The following PTPRC variants were observed in gnomAD, a reference collection of about 807,000 sequenced individuals.
PTPRC encodes the protein receptor-type tyrosine-protein phosphatase C.
Under a neutral mutation model 155.9 loss-of-function variants are expected in PTPRC, and 44 were observed. The observed-to-expected ratio is 0.28, with a 90% CI of 0.22 to 0.36. The LOEUF (loss-of-function observed/expected upper bound fraction) is 0.36, where lower values mean the gene tolerates loss of function less well. Among genes scored for constraint, PTPRC ranks in the 10% least tolerant of loss-of-function variants. The pLI is 1.00. For missense variants in PTPRC, 1,401 were observed against 1,564.6 expected, an observed-to-expected ratio of 0.90 and a Z score of 1.76; for synonymous variants, 525 against 533.1, an observed-to-expected ratio of 0.98 and a Z score of 0.21.
chr1:198,706,261 C>T (rs13375712), intron 8 of PTPRC, among the ~76,000 whole-genome samples: 7,184 of 152,144 alleles, frequency 0.047, 344 homozygotes, highest in African/African-American at 0.12. Flanking sequence ...GCTTCTGATC[C>T]CTGAGTAATT....
intron 14 of PTPRC, among the ~76,000 whole-genome samples, chr1:198,721,884 T>C (rs1417680906): frequency 6.6e-6 from 1 of 151,550 alleles, no homozygotes; most frequent in Non-Finnish European, 1.5e-5. Flanking sequence ...TTTTGCTCTT[T>C]TCATTTTCCC....
intron 2 of PTPRC, chr1:198,679,822 C>A: frequency 1.8e-6 from 1 of 551,440 alleles, no homozygotes; most frequent in African/African-American, 1.9e-5. Context: ...CTTCTTCCTG[C>A]CGGGAGCGTC....
At chr1:198,717,718 A>G (rs1653662043) in intron 13 of PTPRC, among the ~76,000 whole-genome samples, 1 of 152,152 alleles carries the variant, frequency 6.6e-6, no homozygotes, top group Admixed American at 6.6e-5. Flanking sequence ...TCCGGGAAAG[A>G]AGGGTCTAGA....
chr1:198,729,047 C>T (rs760715438), intron 16 of PTPRC, 90 bp from the exon 17 acceptor site: 5 of 1,425,276 alleles, frequency 3.5e-6, no homozygotes, highest in Non-Finnish European at 4.8e-6. Flanking sequence ...TTCCTTTGTT[C>T]CTTCAATATA....
chr1:198,735,036 T>G, intron 22 of PTPRC, 91 bp from the exon 23 acceptor site: 1 of 1,137,484 alleles, frequency 8.8e-7, no homozygotes, highest in Middle Eastern at 3.0e-4. Flanking sequence ...TTCAAATGAG[T>G]ATAGGTTTTG....
chr1:198,743,123 G>A (rs143155493), intron 25 of PTPRC, among the ~76,000 whole-genome samples: 133 of 142,720 alleles, frequency 9.3e-4, no homozygotes, highest in Non-Finnish European at 1.7e-3. Context: ...TGGAAACACC[G>A]TAAATATGTA....
chr1:198,662,467 TGTGTGTGTGTGA>T (rs1231314939), intron 2 of PTPRC, among the ~76,000 whole-genome samples: 15 of 129,244 alleles, frequency 1.2e-4, no homozygotes, highest in Admixed American at 1.6e-4. Flanking sequence ...TGTGTGTGTG[TGTGTGTGTGTGA>T]GAGTGTGTGT....
Position 198,709,736 on chromosome 1 carries a change from C to A in PTPRC, c.1083C>A (p.Pro361=). 1 of 1,605,368 alleles carries A rather than the reference C, an allele frequency of 6.2e-7. No homozygotes were observed. Among genetic ancestry groups the A allele is most frequent in the Non-Finnish European group, 8.5e-7 (1 of 1,176,208 alleles). Residue 361 remains proline (P), a synonymous_variant, in exon 11 of 33, where the codon CCC becomes CCA. Transcript: ENST00000442510. ...AAATTAAATTAGAAAACCTTGAACC[C>A]GAACATGAGTATAAGTGTGACTCAG... ...NKEIKLENLE[P]EHEYKCDSEI... is the part of the protein sequence containing the mutation.
At chr1:198,680,062 C>T (rs1354522392) in intron 2 of PTPRC, 5 of 473,140 alleles carry the variant, frequency 1.1e-5, no homozygotes, top group South Asian at 6.3e-5. Context: ...GAACGCAGCG[C>T]GCAGCTGGGA....
In PTPRC at chr1:198,718,220, A is replaced by T; in HGVS notation, c.1577A>T (p.Asn526Ile). ...TACCATTTGGAAGTTGAAGCTGGAA[A>T]TACTCTGGTTAGAAATGAGTCGCAT... ...ERYHLEVEAG[N>I]TLVRNESHKN... The change falls in exon 14 of 33, where the codon AAT becomes ATT. Residue 526 changes from asparagine to isoleucine, a missense_variant. By Grantham distance (149) the Asn-to-Ile change is moderately radical (BLOSUM62 -3). Transcript: ENST00000442510. 1.2e-6 allele frequency: 2 copies of T among 1,614,154 alleles called. No individual in the cohort carries two copies. Among genetic ancestry groups the T allele is most frequent in the Non-Finnish European group, 1.7e-6 (2 of 1,180,010 alleles).
intron 5 of PTPRC, among the ~76,000 whole-genome samples, chr1:198,702,014 C>T (rs1330906539): frequency 6.6e-6 from 1 of 152,200 alleles, no homozygotes; most frequent in East Asian, 1.9e-4. Flanking sequence ...GCTCTACCTC[C>T]ATCTACATGG....
At position 198,748,089 on chromosome 1, in the gene PTPRC, GTT is replaced by G. The variant is rs57296163; in HGVS notation, c.2848-5_2848-4del. The G allele has an allele frequency of 0.14, 201,785 of 1,465,608 alleles. 3,498 individuals carry two copies. The highest frequency in any genetic ancestry group is 0.28 in the African/African-American group (18,713 of 65,950). 90.8% of individuals were successfully genotyped at this position (1,465,608 alleles called of 1,614,324 possible). A position where few individuals can be genotyped will look rare whatever the true frequency, so the allele number is the denominator to read the frequency against. ...ATTTACATTTTAAAGGAGTTTTTCT[GTT>G]TTTTTTTTTTTTTTCAGAGACTTCC... On this transcript the variant is annotated intron_variant, in intron 26 of 32. Transcript: ENST00000442510.
chr1:198,656,133 G>T (rs567495552), intron 2 of PTPRC, among the ~76,000 whole-genome samples: 1 of 152,176 alleles, frequency 6.6e-6, no homozygotes, highest in East Asian at 1.9e-4. Context: ...TTAACAAAAT[G>T]ATATAAAAAT....
intron 2 of PTPRC, among the ~76,000 whole-genome samples, chr1:198,689,569 A>G (rs1455183530): frequency 6.6e-6 from 1 of 152,090 alleles, no homozygotes; most frequent in Non-Finnish European, 1.5e-5. Flanking sequence ...CCTCTGTATT[A>G]ACTGATCCAA....
chr1:198,718,314 C>A lies in PTPRC; in HGVS notation c.1659+12C>A. ...ACTACACTTTTAAGGTAAAAGTATG[C>A]TCTCTACATTACTATAGTACCAACT... On this transcript the variant is annotated intron_variant, in intron 14 of 32. Transcript: ENST00000442510. 1.3e-6 allele frequency: 2 copies of A among 1,579,764 alleles called. No individual in the cohort carries two copies. Among genetic ancestry groups the A allele is most frequent in the Non-Finnish European group, 1.7e-6 (2 of 1,150,070 alleles).
chr1:198,703,262 T>C (rs1666551201), intron 6 of PTPRC, 36 bp from the exon 7 acceptor site: 1 of 1,611,250 alleles, frequency 6.2e-7, no homozygotes, highest in Non-Finnish European at 8.5e-7. Context: ...TATAACGAAT[T>C]AATTAGCTTT....
chr1:198,746,084 A>T (rs1182322186), intron 26 of PTPRC, among the ~76,000 whole-genome samples: 1 of 151,588 alleles, frequency 6.6e-6, no homozygotes, highest in African/African-American at 2.4e-5. Flanking sequence ...AAATGAAGAG[A>T]CTAGAGTCTT....
rs1653101023 is a variant in PTPRC, at chr1:198,708,218, C to A, written c.990C>A (p.Thr330=). ...GTTTAAAATGGAAAAATATTGAAAC[C>A]TTTACTTGTGATACACAGAATATTA... ...TICLKWKNIE[T]FTCDTQNITY... is the part of the protein sequence containing the mutation. Residue 330 remains threonine (T), a synonymous_variant, in exon 10 of 33, where the codon ACC becomes ACA. Transcript: ENST00000442510. 1 of 1,606,260 alleles carries A rather than the reference C, an allele frequency of 6.2e-7. No homozygotes were observed. Among genetic ancestry groups the A allele is most frequent in the Non-Finnish European group, 8.5e-7 (1 of 1,173,760 alleles).
chr1:198,654,349 A>T (rs907590208), intron 2 of PTPRC, among the ~76,000 whole-genome samples: 2 of 151,836 alleles, frequency 1.3e-5, no homozygotes, highest in African/African-American at 4.8e-5. Context: ...CTTCTGATTT[A>T]AAAAAATTAG....
Sources: allele counts gnomAD v4.1 joint callset (sites outside exome capture counted in the v4.1 genomes callset), GRCh38; gene constraint gnomAD v4.1.1; transcripts MANE v1.5; gene names NCBI Gene and HGNC (gene_info 2026-07-23, HGNC 2026-07-21).